Variants in CPS1 observed in about 807,000 individuals in gnomAD.
The protein encoded by CPS1 is carbamoyl-phosphate synthase 1.
Under a neutral mutation model 174.6 loss-of-function variants are expected in CPS1, and 109 were observed. The ratio of observed to expected loss-of-function variants is 0.62; its 90% CI spans 0.53 to 0.73. The LOEUF is 0.73. Ranked by LOEUF, CPS1 falls within the 30% of genes least tolerant of loss-of-function variation. The pLI is 0.00. For missense variants in CPS1, 1,689 were observed against 1,821.9 expected (o/e 0.93, Z 1.33); for synonymous variants, 637 against 632.0 (o/e 1.01, Z -0.12).
intron 20 of CPS1, among the ~76,000 whole-genome samples, chr2:210,613,429 T>C (rs953026966): frequency 2.0e-5 from 3 of 151,936 alleles, no homozygotes; most frequent in African/African-American, 7.2e-5. Flanking sequence ...TCAAGGTAAT[T>C]AGAATTTTTC....
At chr2:210,638,683 C>G (rs935768041) in intron 22 of CPS1, among the ~76,000 whole-genome samples, 8 of 152,134 alleles carry the variant, frequency 5.3e-5, no homozygotes, top group Admixed American at 6.5e-5. Flanking sequence ...AGATCTTGTT[C>G]TCCCCCCGTT....
At chr2:210,563,039 C>T (rs1697156669) in intron 1 of CPS1, among the ~76,000 whole-genome samples, 1 of 151,926 alleles carries the variant, frequency 6.6e-6, no homozygotes, top group Non-Finnish European at 1.5e-5. Context: ...ACATGGATGC[C>T]TGTTTTTGTA....
At chr2:210,603,775 G>A (rs1041176311) in intron 16 of CPS1, among the ~76,000 whole-genome samples, 2 of 151,444 alleles carry the variant, frequency 1.3e-5, no homozygotes, top group African/African-American at 4.8e-5. Context: ...AAAAACCCTC[G>A]CTCTTCCCTT....
Position 210,668,076 on chromosome 2 carries a change from A to ATGTGTGTG in CPS1, c.4003-88_4003-81dup, listed in dbSNP as rs3217217. On this transcript the variant is annotated intron_variant, in intron 33 of 37. Transcript: ENST00000233072. ...TAAAGTACTTTCCATTTGTGCGTGC[A>ATGTGTGTG]TGTGTGTGTGTGTGTGTGTGTGTGT... 0.013 allele frequency: 8,658 copies of ATGTGTGTG among 663,730 alleles called. 219 individuals are homozygous for ATGTGTGTG. The Admixed American group carries it at 0.14, about 11-fold the overall frequency. 41.1% of individuals were successfully genotyped at this position (663,730 alleles called of 1,614,324 possible).
intron 1 of CPS1, among the ~76,000 whole-genome samples, chr2:210,566,495 GT>G (rs767271828): frequency 9.9e-5 from 15 of 152,152 alleles, no homozygotes; most frequent in Admixed American, 3.9e-4. Context: ...ACCTGGGCCT[GT>G]TGTGGCTTAT....
intron 34 of CPS1, among the ~76,000 whole-genome samples, chr2:210,669,358 C>T (rs2105934702): frequency 6.6e-6 from 1 of 152,160 alleles, no homozygotes; most frequent in Middle Eastern, 3.4e-3. Flanking sequence ...ATTAGTAATT[C>T]TTGGGTCCTA....
chr2:210,551,488 T>A (rs1410117728), intron 1 of CPS1, among the ~76,000 whole-genome samples: 2 of 151,936 alleles, frequency 1.3e-5, no homozygotes, highest in Non-Finnish European at 2.9e-5. Flanking sequence ...ATGACAAGAT[T>A]TACTGTTTAT....
intron 21 of CPS1, 100 bp downstream of exon 21, chr2:210,616,641 TGA>T (rs1699318761): frequency 8.5e-6 from 7 of 821,416 alleles, no homozygotes; most frequent in Non-Finnish European, 1.5e-5. Flanking sequence ...TGTGATTCAA[TGA>T]GGTAGATAGT....
chr2:210,477,797 T>C, intron 1 of CPS1: 1 of 1,612,586 alleles, frequency 6.2e-7, no homozygotes, highest in Admixed American at 1.7e-5. Context: ...CTCTCATGTT[T>C]TAAAAGATGG....
intron 1 of CPS1, among the ~76,000 whole-genome samples, chr2:210,521,112 A>G (rs1387605692): frequency 6.6e-6 from 1 of 152,068 alleles, no homozygotes; most frequent in Non-Finnish European, 1.5e-5. Context: ...AACATTTGCC[A>G]AGGCTAGTCT....
chr2:210,515,090 T>C (rs950643216), intron 1 of CPS1, among the ~76,000 whole-genome samples: 1 of 151,832 alleles, frequency 6.6e-6, no homozygotes, highest in African/African-American at 2.4e-5. Flanking sequence ...CTGTTGAATT[T>C]GATTTGCTAG....
At chr2:210,579,254 T>C (rs753720342) in intron 4 of CPS1, among the ~76,000 whole-genome samples, 4 of 152,150 alleles carry the variant, frequency 2.6e-5, no homozygotes, top group Non-Finnish European at 5.9e-5. Flanking sequence ...TTAAAACAAA[T>C]GGTGGTCCTG....
intron 1 of CPS1, among the ~76,000 whole-genome samples, chr2:210,482,685 A>G (rs1014561920): frequency 5.3e-5 from 8 of 152,108 alleles, no homozygotes; most frequent in Non-Finnish European, 1.2e-4. Flanking sequence ...AAAGAGAGAG[A>G]GAGAGAGAGA....
chr2:210,659,357 G>C (rs963454530), intron 31 of CPS1, among the ~76,000 whole-genome samples: 1 of 152,062 alleles, frequency 6.6e-6, no homozygotes, highest in Non-Finnish European at 1.5e-5. Context: ...GTAGGGGAGA[G>C]AAACTGAAGA....
chr2:210,644,455 T>C (rs1377123517), intron 25 of CPS1, among the ~76,000 whole-genome samples: 2 of 152,126 alleles, frequency 1.3e-5, no homozygotes, highest in Admixed American at 1.3e-4. Context: ...TAATTAAATG[T>C]AATCCTAAAA....
At chr2:210,534,434 A>G (rs1696195016) in intron 1 of CPS1, among the ~76,000 whole-genome samples, 1 of 152,214 alleles carries the variant, frequency 6.6e-6, no homozygotes. Context: ...CAAAATCATT[A>G]CTATATATTG....
intron 1 of CPS1, among the ~76,000 whole-genome samples, chr2:210,546,286 C>T (rs889118505): frequency 5.9e-5 from 9 of 151,938 alleles, no homozygotes; most frequent in Non-Finnish European, 1.2e-4. Flanking sequence ...TCTAATTTGT[C>T]GATATTAAAC....
chr2:210,552,509 A>G (rs761752451), upstream of CPS1, among the ~76,000 whole-genome samples: 1 of 152,034 alleles, frequency 6.6e-6, no homozygotes, highest in Non-Finnish European at 1.5e-5. Flanking sequence ...CTGATTCATT[A>G]CTTAGGAACA....
intron 1 of CPS1, among the ~76,000 whole-genome samples, chr2:210,533,824 G>T (rs2664231): frequency 4.7e-4 from 71 of 151,998 alleles, no homozygotes; most frequent in African/African-American, 1.6e-3. Context: ...GGCCTACCAG[G>T]GGGCATTAAT....
Sources: allele counts gnomAD v4.1 joint callset (sites outside exome capture counted in the v4.1 genomes callset), GRCh38; gene constraint gnomAD v4.1.1; transcripts MANE v1.5; gene names NCBI Gene and HGNC (gene_info 2026-07-23, HGNC 2026-07-21).